The following ADAMTSL1 variants were observed in gnomAD, a reference collection of about 807,000 sequenced individuals.
The protein encoded by ADAMTSL1 is ADAMTS like 1, also known as ADAMTS-like protein 1.
Under a neutral mutation model 201.8 loss-of-function variants are expected in ADAMTSL1, and 126 were observed. The ratio of observed to expected loss-of-function variants is 0.62; its 90% confidence interval spans 0.54 to 0.72. ADAMTSL1 has a LOEUF of 0.72. Among genes scored for constraint, ADAMTSL1 ranks in the 30% least tolerant of loss-of-function variants. The pLI is 0.00. For synonymous variants in ADAMTSL1, 1,121 were observed against 903.4 expected, an observed-to-expected ratio of 1.24 and a Z score of -4.32; for missense variants, 2,679 against 2,277.8, an observed-to-expected ratio of 1.18 and a Z score of -3.59.
intron 1 of ADAMTSL1, among the ~76,000 whole-genome samples, chr9:18,092,975 G>A (rs1466358569): frequency 2.0e-5 from 3 of 152,116 alleles, no homozygotes; most frequent in Non-Finnish European, 1.5e-5. Flanking sequence ...GAAAATTGGG[G>A]CTCAATCGTA....
intron 1 of ADAMTSL1, among the ~76,000 whole-genome samples, chr9:18,500,634 C>T (rs1427540672): frequency 6.6e-6 from 1 of 152,182 alleles, no homozygotes; most frequent in Non-Finnish European, 1.5e-5. Flanking sequence ...GGCGCTTCTT[C>T]TCTCAGTGGA....
intron 2 of ADAMTSL1, among the ~76,000 whole-genome samples, chr9:18,179,448 C>G (rs1384103818): frequency 3.3e-5 from 5 of 152,198 alleles, no homozygotes; most frequent in African/African-American, 1.2e-4. Context: ...TGGGAAAACA[C>G]TCTGCAGGAT....
rs1171235566 is a variant in ADAMTSL1 at position 18,201,871 on chromosome 9, T to G, written c.207+37890T>G. On this transcript the variant is annotated intron_variant, in intron 2 of 29. Transcript: ENST00000680146. ...TAATGCCTATATCATTGTTTTGCTT[T>G]GATCATTCATTGTGGATGATATGTA... Among the ~76,000 whole-genome samples the G allele has an allele frequency of 2.6e-5, 4 of 152,270 alleles. No homozygotes were observed. The East Asian group carries it at 7.7e-4, about 29-fold the overall frequency.
chr9:18,598,871 A>T (rs766695686), intron 4 of ADAMTSL1, among the ~76,000 whole-genome samples: 1 of 151,946 alleles, frequency 6.6e-6, no homozygotes, highest in African/African-American at 2.4e-5. Flanking sequence ...AGAGAAAGGG[A>T]CGGGGTGGGC....
At chr9:17,982,134 T>C (rs1818732776) in intron 1 of ADAMTSL1, among the ~76,000 whole-genome samples, 1 of 152,212 alleles carries the variant, frequency 6.6e-6, no homozygotes, top group African/African-American at 2.4e-5. Flanking sequence ...TGTTTTATAG[T>C]TTTCCTCGAC....
chr9:18,908,482 A>G lies in ADAMTSL1; in HGVS notation c.5223A>G (p.Lys1741=), dbSNP rs780583966. The change falls in exon 29 of 29, where the codon AAA becomes AAG. Residue 1741 remains lysine, a synonymous_variant. Coordinates refer to ENST00000380548, the MANE Select transcript of ADAMTSL1 (RefSeq NM_001040272.6). ...CCACCAGGTACTGCGAGAAGGTGAA[A>G]CAGCTGAAACTCTGCCAACTCAGCC... is the stretch of plus-strand genomic sequence containing the variant. ...RDTTRYCEKV[K]QLKLCQLSQF... 1.5e-5 allele frequency: 24 copies of G among 1,564,240 alleles called. No homozygotes were observed. Among genetic ancestry groups the G allele is most frequent in the Non-Finnish European group, 2.0e-5 (23 of 1,154,562 alleles).
chr9:18,262,115 C>A (rs1400668599), intron 2 of ADAMTSL1, among the ~76,000 whole-genome samples: 6 of 152,136 alleles, frequency 3.9e-5, no homozygotes, highest in Non-Finnish European at 7.3e-5. Context: ...TAGATATAGC[C>A]AGGCAAACCC....
At chr9:18,132,060 C>G (rs768540620) in intron 1 of ADAMTSL1, among the ~76,000 whole-genome samples, 1 of 152,110 alleles carries the variant, frequency 6.6e-6, no homozygotes, top group Non-Finnish European at 1.5e-5. Context: ...TTTCTATCTA[C>G]TAAGGATCAA....
chr9:18,325,425 A>C (rs544877113), intron 2 of ADAMTSL1, among the ~76,000 whole-genome samples: 1 of 152,356 alleles, frequency 6.6e-6, no homozygotes, highest in East Asian at 1.9e-4. Flanking sequence ...AATAACTATC[A>C]TTACATACAT....
chr9:18,850,665 G>A (rs907127300), intron 23 of ADAMTSL1, among the ~76,000 whole-genome samples: 16 of 152,200 alleles, frequency 1.1e-4, no homozygotes, highest in Admixed American at 3.9e-4. Flanking sequence ...GAAGTAGAGG[G>A]ATCGGGTAAG....
intron 1 of ADAMTSL1, among the ~76,000 whole-genome samples, chr9:18,025,176 C>A (rs10963395): frequency 0.12 from 18,164 of 151,918 alleles, 2,099 homozygotes; most frequent in East Asian, 0.29. Flanking sequence ...TGTCAGATGC[C>A]TACTTTGTAA....
rs947622055 is a variant in ADAMTSL1 at position 18,906,927 on chromosome 9, C to T, written c.5182+15C>T. The T allele has an allele frequency of 2.5e-6, 4 of 1,613,486 alleles. No homozygotes were observed. Among genetic ancestry groups the T allele is most frequent in the Non-Finnish European group, 2.5e-6 (3 of 1,179,686 alleles). ...ATGTGAAAACAGTATGTTCCAACCC[C>T]AAAGAACCTTCTGCAAATTCCCCAT... On this transcript the variant is annotated intron_variant, in intron 28 of 28. Coordinates refer to ENST00000380548, the MANE Select transcript of ADAMTSL1 (RefSeq NM_001040272.6).
chr9:18,831,117 A>G (rs943567457), intron 23 of ADAMTSL1, among the ~76,000 whole-genome samples: 2 of 152,248 alleles, frequency 1.3e-5, no homozygotes, highest in Middle Eastern at 3.2e-3. Context: ...CTTGCAAAGA[A>G]TCTTCACAGC....
chr9:18,329,666 G>T (rs1282829677), intron 2 of ADAMTSL1, among the ~76,000 whole-genome samples: 3 of 152,186 alleles, frequency 2.0e-5, no homozygotes, highest in Non-Finnish European at 4.4e-5. Flanking sequence ...GTCATGTCCT[G>T]CAAGGAATCA....
At chr9:18,579,932 G>A (rs1360724789) in intron 4 of ADAMTSL1, among the ~76,000 whole-genome samples, 3 of 152,152 alleles carry the variant, frequency 2.0e-5, no homozygotes, top group Non-Finnish European at 4.4e-5. Context: ...TAAATGTATG[G>A]ACAGAACATG....
intron 20 of ADAMTSL1, among the ~76,000 whole-genome samples, 186 bp downstream of exon 20, chr9:18,795,710 A>T (rs1822381574): frequency 6.6e-6 from 1 of 152,236 alleles, no homozygotes; most frequent in Non-Finnish European, 1.5e-5. Flanking sequence ...ACTGATAACC[A>T]AATAGTATGC....
intron 23 of ADAMTSL1, among the ~76,000 whole-genome samples, chr9:18,844,743 C>T (rs988757523): frequency 4.5e-4 from 69 of 152,254 alleles, no homozygotes; most frequent in African/African-American, 1.4e-3. Context: ...TGGGCAATGG[C>T]GGGCGCCCCT....
chr9:18,855,873 C>T (rs1022893224), intron 23 of ADAMTSL1, among the ~76,000 whole-genome samples: 6 of 152,308 alleles, frequency 3.9e-5, no homozygotes, highest in Admixed American at 3.9e-4. Context: ...GAGAGATAAA[C>T]CAGCACAAGC....
At chr9:18,568,495 T>A (rs1366615092) in intron 3 of ADAMTSL1, among the ~76,000 whole-genome samples, 3 of 152,212 alleles carry the variant, frequency 2.0e-5, no homozygotes, top group Non-Finnish European at 4.4e-5. Flanking sequence ...GTAAAACAAC[T>A]GGTAACATTT....
Sources: gnomAD v4.1 joint callset for allele counts (sites outside exome capture counted in the v4.1 genomes callset) on GRCh38, gnomAD v4.1.1 for gene constraint, MANE v1.5 for transcripts, NCBI Gene and HGNC (gene_info 2026-07-23, HGNC 2026-07-21) for gene names.